Variants in NUGGC observed in about 807,000 individuals in gnomAD.
The protein encoded by NUGGC is nuclear GTPase, germinal center associated, also known as nuclear GTPase SLIP-GC.
In NUGGC, 58 loss-of-function variants were observed where a neutral mutation model predicts 92.6. That is an observed-to-expected ratio of 0.63 (90% CI 0.51 to 0.78). NUGGC has a LOEUF of 0.78. Ranked by LOEUF, NUGGC falls within the 30% of genes least tolerant of loss-of-function variation. NUGGC has a pLI of 0.00. For missense variants in NUGGC, 925 were observed against 964.6 expected, an observed-to-expected ratio of 0.96 and a Z score of 0.54; for synonymous variants, 376 against 366.4, an observed-to-expected ratio of 1.03 and a Z score of -0.30.
rs763012467 is a variant in NUGGC at position 28,060,547 on chromosome 8, C to T, written c.976G>A (p.Gly326Arg). 12 of 1,613,696 alleles carry T rather than the reference C, an allele frequency of 7.4e-6. No individual in the cohort carries two copies. In the South Asian group the frequency reaches 7.7e-5, roughly 10 times the overall value. Residue 326 changes from glycine to arginine, a missense_variant, in exon 8 of 19, where the codon GGG becomes AGG. Coordinates refer to ENST00000413272, the MANE Select transcript of NUGGC (RefSeq NM_001010906.2). ...AGAAGGTCTTCGTGGGCTTGCCCCCCAGAAACTCGCTCTATGTCGCTGATC... is the reference window on the plus strand; with the variant it reads ...AGAAGGTCTTCGTGGGCTTGCCCCCTAGAAACTCGCTCTATGTCGCTGATC... The part of the protein sequence containing the change: ...WVISDIERVS[G>R]GQAHEDLLNE...
intron 14 of NUGGC, among the ~76,000 whole-genome samples, chr8:28,032,109 C>T (rs1243213389): frequency 6.6e-6 from 1 of 152,200 alleles, no homozygotes; most frequent in Non-Finnish European, 1.5e-5. Flanking sequence ...TGCAACCAGG[C>T]AGCGGTGCAG....
At position 28,033,578 on chromosome 8, in the gene NUGGC, G is replaced by T. The variant is rs751758025; in HGVS notation, c.1731C>A (p.Val577=). Residue 577 remains valine, a synonymous_variant, in exon 14 of 19, where the codon GTC becomes GTA. Transcript: ENST00000413272. ...IDLNEALTQP[V]YDQIDPVFGS... ...CAAAAACAGGGTCGATCTGGTCATA[G>T]ACGGGCTGAGTGAGGGCTTCATTTA... 1.2e-6 allele frequency: 2 copies of T among 1,613,900 alleles called. No individual in the cohort carries two copies. The highest frequency in any genetic ancestry group is 2.7e-5 in the African/African-American group (2 of 74,942).
At chr8:28,075,618 T>G (rs1472574826) in intron 1 of NUGGC, among the ~76,000 whole-genome samples, 1 of 152,210 alleles carries the variant, frequency 6.6e-6, no homozygotes, top group African/African-American at 2.4e-5. Flanking sequence ...TTCTGAAATA[T>G]GCAAAATCAC....
At chr8:28,036,206 G>A (rs1413443279) in intron 13 of NUGGC, among the ~76,000 whole-genome samples, 2 of 152,050 alleles carry the variant, frequency 1.3e-5, no homozygotes, top group African/African-American at 2.4e-5. Flanking sequence ...TTTTCTGGTT[G>A]GAAAATAAGA....
At chr8:28,039,332 A>C (rs1184924326) in intron 13 of NUGGC, among the ~76,000 whole-genome samples, 1 of 151,720 alleles carries the variant, frequency 6.6e-6, no homozygotes, top group East Asian at 1.9e-4. Context: ...TCTCAGGTTC[A>C]AGTGATTCTC....
intron 18 of NUGGC, among the ~76,000 whole-genome samples, chr8:28,026,261 C>G (rs1267790631): frequency 1.3e-5 from 2 of 152,200 alleles, no homozygotes; most frequent in African/African-American, 2.4e-5. Flanking sequence ...CACCCTCCCC[C>G]CATATAAGGA....
At chr8:28,038,023 C>T (rs1809599745) in intron 13 of NUGGC, among the ~76,000 whole-genome samples, 1 of 152,224 alleles carries the variant, frequency 6.6e-6, no homozygotes, top group African/African-American at 2.4e-5. Context: ...AGCCATTTTG[C>T]CATCATGAGA....
intron 12 of NUGGC, among the ~76,000 whole-genome samples, chr8:28,044,335 G>A (rs1285398479): frequency 6.6e-6 from 1 of 152,224 alleles, no homozygotes; most frequent in African/African-American, 2.4e-5. Flanking sequence ...AGGACAAGCA[G>A]AGGCTGTTTA....
intron 13 of NUGGC, among the ~76,000 whole-genome samples, chr8:28,034,778 C>G (rs566062117): frequency 6.6e-6 from 1 of 152,164 alleles, no homozygotes; most frequent in Admixed American, 6.5e-5. Context: ...GATCGCAGCA[C>G]TGCACTCCAG....
At chr8:28,037,798 C>A (rs1209568417) in intron 13 of NUGGC, among the ~76,000 whole-genome samples, 2 of 152,172 alleles carry the variant, frequency 1.3e-5, no homozygotes, top group Admixed American at 6.5e-5. Context: ...TCCTCTAGAC[C>A]AGTGATTCTC....
chr8:28,052,213 G>T (rs1585577742), intron 10 of NUGGC, among the ~76,000 whole-genome samples: 2 of 152,274 alleles, frequency 1.3e-5, no homozygotes, highest in South Asian at 4.1e-4. Context: ...TCAATACTAA[G>T]AGGCACATTG....
At chr8:28,034,994 T>C (rs776934736) in intron 13 of NUGGC, among the ~76,000 whole-genome samples, 1 of 152,184 alleles carries the variant, frequency 6.6e-6, no homozygotes, top group South Asian at 2.1e-4. Flanking sequence ...CAAAGATACA[T>C]TGTTTATTTG....
chr8:28,071,367 G>A (rs997833890), intron 2 of NUGGC, among the ~76,000 whole-genome samples: 1 of 152,106 alleles, frequency 6.6e-6, no homozygotes, highest in African/African-American at 2.4e-5. Context: ...CAGGTGACCA[G>A]AAAAAATCAC....
chr8:28,078,135 T>C (rs1354815826), intron 1 of NUGGC, among the ~76,000 whole-genome samples: 1 of 152,248 alleles, frequency 6.6e-6, no homozygotes, highest in Admixed American at 6.5e-5. Context: ...ACTTCCTCCG[T>C]AGCAGCATCT....
chr8:28,023,501 C>T, intron 18 of NUGGC, 39 bp from the exon 19 acceptor site: 2 of 1,584,738 alleles, frequency 1.3e-6, no homozygotes, highest in Non-Finnish European at 1.7e-6. Context: ...GACTTGGTGT[C>T]CGTTGCAGAA....
At chr8:28,064,884 C>T (rs1397387606) in intron 6 of NUGGC, among the ~76,000 whole-genome samples, 153 bp from the exon 7 acceptor site, 1 of 152,126 alleles carries the variant, frequency 6.6e-6, no homozygotes, top group Non-Finnish European at 1.5e-5. Context: ...GGACCTAGAA[C>T]CTGAGAGCCA....
chr8:28,057,581 C>T (rs755246592), intron 9 of NUGGC, among the ~76,000 whole-genome samples: 45 of 151,858 alleles, frequency 3.0e-4, no homozygotes, highest in African/African-American at 4.4e-4. Context: ...CCTCGTGATC[C>T]GCCCACCTCA....
At chr8:28,080,190 C>T (rs112269612) in intron 1 of NUGGC, among the ~76,000 whole-genome samples, 8 of 152,260 alleles carry the variant, frequency 5.3e-5, no homozygotes, top group African/African-American at 1.9e-4. Flanking sequence ...GATCTGCCTA[C>T]CTTGGCCTCC....
chr8:28,050,410 A>AGAAAG (rs772531437), intron 10 of NUGGC, among the ~76,000 whole-genome samples: 101 of 152,210 alleles, frequency 6.6e-4, no homozygotes, highest in African/African-American at 1.6e-3. Flanking sequence ...GGAAAGGAAA[A>AGAAAG]GAAAGGAAAG....
Sources: gnomAD v4.1 joint callset for allele counts (sites outside exome capture counted in the v4.1 genomes callset) on GRCh38, gnomAD v4.1.1 for gene constraint, MANE v1.5 for transcripts, NCBI Gene and HGNC (gene_info 2026-07-23, HGNC 2026-07-21) for gene names.